The following SLC5A4 variants were observed in gnomAD, a reference collection of about 807,000 sequenced individuals.
SLC5A4 encodes probable glucose sensor protein SLC5A4.
A neutral mutation model predicts 70.3 loss-of-function variants in SLC5A4; 55 were observed. The observed-to-expected ratio is 0.78, with a 90% CI of 0.63 to 0.98. SLC5A4 has a LOEUF of 0.98. Among genes scored for constraint, SLC5A4 ranks in the 50% least tolerant of loss-of-function variants. The probability of loss-of-function intolerance (pLI) is 0.00; values close to 1 mark genes in which losing one functional copy is unlikely to be tolerated. For missense variants in SLC5A4, 735 were observed against 839.2 expected, an observed-to-expected ratio of 0.88 and a Z score of 1.53; for synonymous variants, 268 against 305.7, an observed-to-expected ratio of 0.88 and a Z score of 1.29.
At chr22:32,265,278 C>T in the SLC5A4 span, among the ~76,000 whole-genome samples, 1 of 152,154 alleles carries the variant, frequency 6.6e-6, no homozygotes. Flanking sequence ...GTCCCAGCTA[C>T]TGGGGAGGCT....
At chr22:32,272,104 C>T in the SLC5A4 span, 103 of 661,488 alleles carry the variant, frequency 1.6e-4, no homozygotes, top group East Asian at 1.4e-3. Context: ...GTGACCAGCA[C>T]GAAGACAGTG....
At chr22:32,337,012 C>G in the SLC5A4 span, among the ~76,000 whole-genome samples, 3 of 152,340 alleles carry the variant, frequency 2.0e-5, no homozygotes, top group Admixed American at 2.0e-4. Context: ...GGGCTGGAAG[C>G]TTTGCAAAGA....
intron 11 of SLC5A4, among the ~76,000 whole-genome samples, chr22:32,227,009 C>A (rs1043109335): frequency 3.3e-5 from 5 of 152,144 alleles, no homozygotes; most frequent in Admixed American, 6.5e-5. Context: ...TCAGAGAGGA[C>A]TCCCTGAGCA....
chr22:32,231,622 T>C (rs765021050), intron 9 of SLC5A4, among the ~76,000 whole-genome samples: 3 of 152,230 alleles, frequency 2.0e-5, no homozygotes, highest in Non-Finnish European at 2.9e-5. Flanking sequence ...ACAGGGAGAA[T>C]TGATAAAGAA....
intron 4 of SLC5A4, 79 bp from the exon 5 acceptor site, chr22:32,247,594 AC>A (rs1026980619): frequency 1.1e-6 from 1 of 912,022 alleles, no homozygotes; most frequent in Non-Finnish European, 1.8e-6. Flanking sequence ...TTTCCTAAGC[AC>A]CTGTGAGTGA....
At chr22:32,258,319 C>T (rs1362693591), upstream of SLC5A4, among the ~76,000 whole-genome samples, 1 of 152,026 alleles carries the variant, frequency 6.6e-6, no homozygotes, top group East Asian at 1.9e-4. Context: ...CTGGGACTTC[C>T]AATGCTATGT....
intron 13 of SLC5A4, among the ~76,000 whole-genome samples, chr22:32,223,488 A>G (rs1169698137): frequency 3.9e-5 from 6 of 152,178 alleles, no homozygotes; most frequent in Admixed American, 2.0e-4. Context: ...TTTTTGCCAA[A>G]TTGAAAGGCA....
chr22:32,323,951 T>C, the SLC5A4 span, among the ~76,000 whole-genome samples: 1 of 152,182 alleles, frequency 6.6e-6, no homozygotes, highest in Non-Finnish European at 1.5e-5. Flanking sequence ...CACCCGACTT[T>C]GGCAGAGGCC....
chr22:32,235,202 G>T, intron 7 of SLC5A4, 109 bp from the exon 8 acceptor site: 1 of 724,298 alleles, frequency 1.4e-6, no homozygotes, highest in Non-Finnish European at 2.4e-6. Flanking sequence ...CATCAGCCCA[G>T]TCCAATCCTC....
the SLC5A4 span, among the ~76,000 whole-genome samples, chr22:32,341,610 C>T: frequency 2.6e-4 from 39 of 152,312 alleles, no homozygotes; most frequent in South Asian, 2.1e-4. Flanking sequence ...GGAAGGCTCA[C>T]GGACGTGACG....
At chr22:32,313,444 C>T in the SLC5A4 span, among the ~76,000 whole-genome samples, 1 of 152,138 alleles carries the variant, frequency 6.6e-6, no homozygotes, top group African/African-American at 2.4e-5. Flanking sequence ...CAAAAACGAT[C>T]CTGTATTTTG....
At chr22:32,329,186 C>G in the SLC5A4 span, among the ~76,000 whole-genome samples, 2 of 151,920 alleles carry the variant, frequency 1.3e-5, no homozygotes, top group Admixed American at 1.3e-4. Flanking sequence ...AGGGCTCTGG[C>G]CCAGCCTTGC....
chr22:32,246,098 G>GT (rs1197437827), intron 5 of SLC5A4, among the ~76,000 whole-genome samples: 3 of 152,222 alleles, frequency 2.0e-5, no homozygotes, highest in Admixed American at 6.5e-5. Flanking sequence ...AGTTCAGCAT[G>GT]TATTTTAGTA....
chr22:32,239,566 ATATT>A (rs1926351350), intron 5 of SLC5A4, among the ~76,000 whole-genome samples: 14 of 23,478 alleles, frequency 6.0e-4, no homozygotes, highest in South Asian at 9.5e-4. Flanking sequence ...ATATATATAT[ATATT>A]TATATATATA....
the SLC5A4 span, among the ~76,000 whole-genome samples, chr22:32,306,388 C>T: frequency 4.6e-5 from 7 of 151,624 alleles, no homozygotes; most frequent in African/African-American, 1.7e-4. Flanking sequence ...ATGGCGTGAA[C>T]CTGGGAGGCG....
intron 11 of SLC5A4, among the ~76,000 whole-genome samples, chr22:32,227,092 A>G (rs1306824543): frequency 6.6e-6 from 1 of 152,074 alleles, no homozygotes; most frequent in Non-Finnish European, 1.5e-5. Flanking sequence ...GAGGTAGCAT[A>G]CCTTTATTAA....
At chr22:32,349,273 T>C in the SLC5A4 span, among the ~76,000 whole-genome samples, 2 of 152,304 alleles carry the variant, frequency 1.3e-5, no homozygotes, top group East Asian at 1.9e-4. Flanking sequence ...GCGCCCGGCC[T>C]TCCCACGCCT....
At chr22:32,335,371 GA>G in the SLC5A4 span, among the ~76,000 whole-genome samples, 1 of 152,136 alleles carries the variant, frequency 6.6e-6, no homozygotes, top group African/African-American at 2.4e-5. Context: ...GACAAGCTGT[GA>G]GTAAGCCCTG....
the SLC5A4 span, among the ~76,000 whole-genome samples, chr22:32,261,436 G>C: frequency 6.6e-6 from 1 of 152,226 alleles, no homozygotes; most frequent in Admixed American, 6.5e-5. Flanking sequence ...GCGAGGTGGG[G>C]GCTTGTGGCC....
Sources: gnomAD v4.1 joint callset for allele counts (sites outside exome capture counted in the v4.1 genomes callset) on GRCh38, gnomAD v4.1.1 for gene constraint, MANE v1.5 for transcripts, NCBI Gene and HGNC (gene_info 2026-07-23, HGNC 2026-07-21) for gene names.